Variants in CDCA8 observed in about 807,000 individuals in gnomAD.
The protein encoded by CDCA8 is borealin.
A neutral mutation model predicts 40.0 loss-of-function variants in CDCA8; 25 were observed. The observed-to-expected ratio is 0.63, with a 90% CI of 0.46 to 0.87. The LOEUF (loss-of-function observed/expected upper bound fraction) is 0.87, where lower values mean the gene tolerates loss of function less well. Among genes scored for constraint, CDCA8 ranks in the 40% least tolerant of loss-of-function variants. CDCA8 has a pLI of 0.00. For synonymous variants in CDCA8, 111 were observed against 126.5 expected, an observed-to-expected ratio of 0.88 and a Z score of 0.82; for missense variants, 280 against 348.4, an observed-to-expected ratio of 0.80 and a Z score of 1.56.
At position 37,705,505 on chromosome 1, in the gene CDCA8, A is replaced by G; in HGVS notation, c.649A>G (p.Asn217Asp). Residue 217 changes from asparagine to aspartate, a missense_variant, in exon 8 of 10, where the codon AAT becomes GAT. Transcript: ENST00000373055. Reference protein sequence around the residue: ...AGERIYNISGNGSPLADSKEI... With the variant: ...AGERIYNISGDGSPLADSKEI... ...AGAGCGGATTTACAACATCTCAGGG[A>G]ATGGCAGCCCTCTTGCTGACAGCAA... is the stretch of plus-strand genomic sequence containing the variant. 2 of 1,613,962 alleles carry G rather than the reference A, an allele frequency of 1.2e-6. No individual in the cohort carries two copies. The highest frequency in any genetic ancestry group is 1.7e-6 in the Non-Finnish European group (2 of 1,180,004).
rs766544018 is a variant in CDCA8 at position 37,703,356 on chromosome 1, C to T, written c.584+9C>T. On this transcript the variant is annotated intron_variant, in intron 7 of 9. Coordinates refer to ENST00000373055, the MANE Select transcript of CDCA8 (RefSeq NM_001256875.2). ...CCCAGGTTTGACTCAAGGTGAGTATCGAGGGAAACACTTGGATTTGATGGG... is the reference window on the plus strand; with the variant it reads ...CCCAGGTTTGACTCAAGGTGAGTATTGAGGGAAACACTTGGATTTGATGGG... The T allele has an allele frequency of 6.3e-6, 10 of 1,591,754 alleles. No homozygotes were observed. Among genetic ancestry groups the T allele is most frequent in the Admixed American group, 3.3e-5 (2 of 59,990 alleles).
At chr1:37,703,205 G>A (rs748418238) in intron 6 of CDCA8, 47 bp from the exon 7 acceptor site, 15 of 1,445,912 alleles carry the variant, frequency 1.0e-5, no homozygotes, top group Non-Finnish European at 1.2e-5. Flanking sequence ...TGCTGCCTTC[G>A]TGGAACCTGA....
At chr1:37,697,876 A>G (rs1274226169) in intron 3 of CDCA8, among the ~76,000 whole-genome samples, 2 of 151,796 alleles carry the variant, frequency 1.3e-5, no homozygotes, top group Non-Finnish European at 2.9e-5. Context: ...CAGCCTCAGA[A>G]TCCTTCTCTG....
In CDCA8 at chr1:37,696,066, G is replaced by A; in HGVS notation, c.264+116G>A. ...TTTCATAAAGGGACATCATCTGTTT[G>A]TGTCAACTGAAAAATTAGAGTTGGA... On this transcript the variant is annotated intron_variant, in intron 3 of 9. Transcript: ENST00000373055. This position sits in a 1 kb window ranked among gnomAD's most constrained non-coding sequence, Gnocchi z 5.0. 1.1e-6 allele frequency: 1 copy of A among 885,054 alleles called. No individual in the cohort carries two copies. The highest frequency in any genetic ancestry group is 1.5e-5 in the South Asian group (1 of 66,912). 54.8% of individuals were successfully genotyped at this position (885,054 alleles called of 1,614,324 possible).
At position 37,701,749 on chromosome 1, in the gene CDCA8, T is replaced by G; in HGVS notation, c.424-5T>G. ...AACCTTAGTCTCATTTGATTGTGAC[T>G]GCAGGTCAAAAGGTGTCCTCCATCC... On this transcript the variant is annotated splice_region_variant and splice_polypyrimidine_tract_variant and intron_variant, in intron 5 of 9. Transcript: ENST00000373055. 1 of 1,608,988 alleles carries G rather than the reference T, an allele frequency of 6.2e-7. No homozygotes were observed. The highest frequency in any genetic ancestry group is 1.7e-4 in the Middle Eastern group (1 of 6,038).
chr1:37,701,175 G>A (rs535472085), intron 5 of CDCA8, among the ~76,000 whole-genome samples: 43 of 152,292 alleles, frequency 2.8e-4, no homozygotes, highest in Middle Eastern at 3.4e-3. Context: ...AGATCTTTAG[G>A]TGTTTGTCCC....
chr1:37,698,557 CAT>C (rs1226706032), intron 3 of CDCA8, among the ~76,000 whole-genome samples: 1 of 152,234 alleles, frequency 6.6e-6, no homozygotes, highest in Admixed American at 6.5e-5. Flanking sequence ...TGTATACACA[CAT>C]ATGCATGTAT....
chr1:37,696,054 C>A lies in CDCA8; in HGVS notation c.264+104C>A. The A allele has an allele frequency of 1.0e-6, 1 of 989,260 alleles. No individual in the cohort carries two copies. Among genetic ancestry groups the A allele is most frequent in the Non-Finnish European group, 1.6e-6 (1 of 635,704 alleles). 61.3% of individuals were successfully genotyped at this position (989,260 alleles called of 1,614,324 possible). A position where few individuals can be genotyped will look rare whatever the true frequency, so the allele number is the denominator to read the frequency against. ...CTGTGGAAGAGGTTTCATAAAGGGA[C>A]ATCATCTGTTTGTGTCAACTGAAAA... is the stretch of plus-strand genomic sequence containing the variant. On this transcript the variant is annotated intron_variant, in intron 3 of 9. Transcript: ENST00000373055. This position sits in a 1 kb window ranked among gnomAD's most constrained non-coding sequence, Gnocchi z 5.0.
Position 37,696,624 on chromosome 1 carries a change from C to T in CDCA8, c.264+674C>T, listed in dbSNP as rs1350912116. On this transcript the variant is annotated intron_variant, in intron 3 of 9. Transcript: ENST00000373055. This position sits in a 1 kb window ranked among gnomAD's most constrained non-coding sequence, Gnocchi z 5.0. ...AAGTTTTATGAGACAGCATTGGGAA[C>T]TAGTCCATACATGGGCTTCACAGAG... is the stretch of plus-strand genomic sequence containing the variant. 6.6e-6 allele frequency among the ~76,000 whole-genome samples: 1 copy of T among 152,250 alleles called. No homozygotes were observed. Among genetic ancestry groups the T allele is most frequent in the Non-Finnish European group, 1.5e-5 (1 of 68,048 alleles).
chr1:37,698,718 T>C (rs188583872), intron 3 of CDCA8, among the ~76,000 whole-genome samples, 187 bp from the exon 4 acceptor site: 3 of 152,186 alleles, frequency 2.0e-5, no homozygotes, highest in Admixed American at 1.3e-4. Flanking sequence ...AAGCAAGTTA[T>C]TGGCAATGTT....
intron 3 of CDCA8, among the ~76,000 whole-genome samples, chr1:37,697,238 T>TG (rs1645532792): frequency 6.6e-6 from 1 of 152,182 alleles, no homozygotes; most frequent in South Asian, 2.1e-4. Flanking sequence ...GGAGGATTCA[T>TG]GGGGCTCAGC....
At chr1:37,701,043 A>G (rs1211991782) in intron 5 of CDCA8, among the ~76,000 whole-genome samples, 2 of 152,178 alleles carry the variant, frequency 1.3e-5, no homozygotes, top group African/African-American at 4.8e-5. Context: ...GGGGTGGTGG[A>G]GCACATGCCA....
rs1378986873 is a variant in CDCA8 at position 37,705,484 on chromosome 1, CG to C, written c.630del (p.Ile211PhefsTer126). The C allele has an allele frequency of 6.2e-7, 1 of 1,613,832 alleles. No homozygotes were observed. The highest frequency in any genetic ancestry group is 8.5e-7 in the Non-Finnish European group (1 of 1,179,938). ...PGLRTPAAGE[R>X]IYNISGNGSP... is the part of the protein sequence containing the mutation. ...CCTGCGTACTCCAGCAGCAGGAGAG[CG>C]GATTTACAACATCTCAGGGAATGGC... On this transcript the variant is annotated frameshift_variant, in exon 8 of 10. Coordinates refer to ENST00000373055, the MANE Select transcript of CDCA8 (RefSeq NM_001256875.2). LOFTEE classifies it high-confidence loss of function.
chr1:37,692,601 G>A lies in CDCA8; in HGVS notation c.-90G>A, dbSNP rs768945395. 5 of 1,018,870 alleles carry A rather than the reference G, an allele frequency of 4.9e-6. 1 individual carries two copies. The highest frequency in any genetic ancestry group is 2.7e-5 in the South Asian group (2 of 73,790). The allele number at this position is 1,018,870 out of a possible 1,614,324, so 63.1% of individuals were successfully genotyped here. A position where few individuals can be genotyped will look rare whatever the true frequency, so the allele number is the denominator to read the frequency against. ...CAGGTACGTGCCTGGCGACTTCTTC[G>A]GGTGGTCCCCGTCCGCCCTCCTCGT... On this transcript the variant is annotated 5_prime_UTR_variant, in exon 1 of 10. Transcript: ENST00000373055.
chr1:37,708,813 G>A lies in CDCA8; in HGVS notation c.*447G>A, dbSNP rs1394666734. The A allele has an allele frequency of 1.2e-5, 3 of 246,384 alleles. No homozygotes were observed. In the East Asian group the frequency reaches 2.7e-4, roughly 22 times the overall value. 15.3% of individuals were successfully genotyped at this position (246,384 alleles called of 1,614,324 possible). A position where few individuals can be genotyped will look rare whatever the true frequency, so the allele number is the denominator to read the frequency against. On this transcript the variant is annotated 3_prime_UTR_variant, in exon 10 of 10. Transcript: ENST00000373055. ...CTATGCTTGAGACCGGGAGGTTTAG[G>A]CTCAGATAAGTGAGCTCTGGGCCAT...
intron 2 of CDCA8, among the ~76,000 whole-genome samples, chr1:37,694,278 ACTAT>A (rs1278283194): frequency 6.6e-6 from 1 of 152,160 alleles, no homozygotes; most frequent in Non-Finnish European, 1.5e-5. Context: ...CTTATTATTA[ACTAT>A]CCAGCATGTA....
rs11558851 is a variant in CDCA8, at chr1:37,692,586, C to T, written c.-105C>T. ...CTTGTCTCGGGACCGCAGGTACGTG[C>T]CTGGCGACTTCTTCGGGTGGTCCCC... On this transcript the variant is annotated 5_prime_UTR_variant, in exon 1 of 10. Coordinates refer to ENST00000373055, the MANE Select transcript of CDCA8 (RefSeq NM_001256875.2). 128,611 of 858,084 alleles carry T rather than the reference C, an allele frequency of 0.15. 10,719 individuals are homozygous for T. Among genetic ancestry groups the T allele is most frequent in the Non-Finnish European group, 0.17 (87,793 of 519,338 alleles). 53.2% of individuals were successfully genotyped at this position (858,084 alleles called of 1,614,324 possible).
chr1:37,700,654 G>A, intron 5 of CDCA8, 133 bp downstream of exon 5: 1 of 654,690 alleles, frequency 1.5e-6, no homozygotes, highest in African/African-American at 1.8e-5. Context: ...AATGACAAAA[G>A]AGATAATTGA....
chr1:37,704,186 C>T (rs1645583531), intron 7 of CDCA8, among the ~76,000 whole-genome samples: 3 of 152,098 alleles, frequency 2.0e-5, no homozygotes, highest in African/African-American at 4.8e-5. Flanking sequence ...CTGCCCACCT[C>T]GGCCTTCCAA....
Sources: gnomAD v4.1 joint callset for allele counts (sites outside exome capture counted in the v4.1 genomes callset) on GRCh38, gnomAD v4.1.1 for gene constraint, Gnocchi (gnomAD v3.1) non-coding constraint, MANE v1.5 for transcripts, NCBI Gene and HGNC (gene_info 2026-07-23, HGNC 2026-07-21) for gene names.